The following PTPA variants were observed in gnomAD, a reference collection of about 807,000 sequenced individuals.
PTPA encodes protein phosphatase 2 phosphatase activator.
In PTPA, 13 loss-of-function variants were observed where a neutral mutation model predicts 43.6. That is an observed-to-expected ratio of 0.30 (90% CI 0.19 to 0.47). The LOEUF (loss-of-function observed/expected upper bound fraction) is 0.47. Among genes scored for constraint, PTPA ranks in the 20% least tolerant of loss-of-function variants. The pLI is 0.99. For synonymous variants in PTPA, 172 were observed against 158.2 expected (o/e 1.09, Z -0.66); for missense variants, 329 against 411.9 (o/e 0.80, Z 1.74).
chr9:129,133,460 C>T (rs1202776394), intron 5 of PTPA, among the ~76,000 whole-genome samples: 9 of 152,230 alleles, frequency 5.9e-5, no homozygotes, highest in Admixed American at 5.9e-4. Context: ...ACTGAGCTCA[C>T]AAGCTTCCAG....
chr9:129,144,664 G>A (rs928130723), intron 9 of PTPA, among the ~76,000 whole-genome samples: 3 of 150,962 alleles, frequency 2.0e-5, no homozygotes, highest in African/African-American at 4.9e-5. Flanking sequence ...GCGTGAGTCC[G>A]GGCGGTGGAG....
intron 1 of PTPA, among the ~76,000 whole-genome samples, chr9:129,113,642 C>T (rs1418792150): frequency 2.2e-5 from 3 of 135,072 alleles, no homozygotes; most frequent in African/African-American, 1.2e-4. Context: ...TGGTGGCACA[C>T]GTCTGTAATC....
At position 129,114,223 on chromosome 9, in the gene PTPA, G is replaced by C. The variant is rs192090931; in HGVS notation, c.31+2592G>C. On this transcript the variant is annotated intron_variant, in intron 1 of 9. Coordinates refer to ENST00000393370, the MANE Select transcript of PTPA (RefSeq NM_178000.3). Reference sequence around the variant, plus strand: ...TTTTTAGTAGAGATGGGATTTCGCCGTGTGGGCCAGGCTGGTCTCGAACTC... The same window carrying C: ...TTTTTAGTAGAGATGGGATTTCGCCCTGTGGGCCAGGCTGGTCTCGAACTC... Among the ~76,000 whole-genome samples the C allele has an allele frequency of 9.5e-4, 144 of 152,196 alleles. 1 individual carries two copies. The highest frequency in any genetic ancestry group is 3.2e-3 in the African/African-American group (135 of 41,540).
At chr9:129,119,759 G>A (rs1420832176) in intron 1 of PTPA, 1 of 152,112 alleles carries the variant, frequency 6.6e-6, no homozygotes, top group Non-Finnish European at 1.5e-5. Context: ...CATCAACTTG[G>A]TTTTATTTTT....
At chr9:129,116,384 CTTTT>C (rs142067473) in intron 1 of PTPA, among the ~76,000 whole-genome samples, 1 of 107,706 alleles carries the variant, frequency 9.3e-6, no homozygotes. Flanking sequence ...GACAGGGTTT[CTTTT>C]TTTTTTTTTT....
At chr9:129,111,292 C>G (rs1370366355), upstream of PTPA, 4 of 1,133,934 alleles carry the variant, frequency 3.5e-6, no homozygotes, top group Non-Finnish European at 3.2e-6. Context: ...GTGAGCGGTC[C>G]TAGCGCTTGG....
intron 9 of PTPA, among the ~76,000 whole-genome samples, chr9:129,146,058 C>T (rs1851278353): frequency 7.0e-6 from 1 of 143,102 alleles, no homozygotes; most frequent in Non-Finnish European, 1.5e-5. Flanking sequence ...TCTATGGGAG[C>T]TAGAGGGAGG....
At position 129,120,576 on chromosome 9, in the gene PTPA, C is replaced by G. The variant is rs147961453; in HGVS notation, c.95C>G (p.Thr32Arg). The G allele has an allele frequency of 6.2e-7, 1 of 1,613,622 alleles. No individual in the cohort carries two copies. Among genetic ancestry groups the G allele is most frequent in the African/African-American group, 1.3e-5 (1 of 74,908 alleles). Residue 32 changes from threonine to arginine, a missense_variant, in exon 2 of 10, where the codon ACA becomes AGA. Physicochemically the swap from Thr to Arg is moderately conservative, Grantham distance 71. Coordinates refer to ENST00000393370, the MANE Select transcript of PTPA (RefSeq NM_178000.3). ...NFIIPKKEIH[T>R]VPDMGKWKRS... ...ATCATTCCAAAAAAGGAGATCCACA[C>G]AGTTCCAGACATGGGCAAATGGAAG... is the stretch of plus-strand genomic sequence containing the variant.
At chr9:129,119,577 T>G (rs553393750) in intron 1 of PTPA, 11 of 152,174 alleles carry the variant, frequency 7.2e-5, no homozygotes, top group African/African-American at 2.4e-4. Flanking sequence ...GGCTAATTTT[T>G]TTGTACTTTT....
intron 7 of PTPA, among the ~76,000 whole-genome samples, chr9:129,137,018 C>T (rs1453547096): frequency 1.3e-5 from 2 of 152,204 alleles, no homozygotes; most frequent in Non-Finnish European, 2.9e-5. Flanking sequence ...TAGGGAGCAG[C>T]CGCCAAGTGC....
intron 1 of PTPA, 32 bp downstream of exon 1, chr9:129,111,663 TCGGGTAGGGTGGGGG>T (rs1225392185): frequency 6.4e-6 from 8 of 1,252,832 alleles, no homozygotes; most frequent in Non-Finnish European, 8.1e-6. Context: ...CGGGCCGGGG[TCGGGTAGGGTGGGGG>T]CGGTGCCAGG....
At position 129,148,328 on chromosome 9, in the gene PTPA, C is replaced by T. The variant is rs527266127; in HGVS notation, c.*864C>T. On this transcript the variant is annotated 3_prime_UTR_variant, in exon 10 of 10. Transcript: ENST00000393370. ...GGGAGGGGCTTGGGGCCCATTGTAT[C>T]TGGAGAGCCTGGATTCCTCTTGGCA... is the stretch of plus-strand genomic sequence containing the variant. 6.5e-6 allele frequency: 1 copy of T among 152,828 alleles called. No individual in the cohort carries two copies. The highest frequency in any genetic ancestry group is 2.4e-5 in the African/African-American group (1 of 41,586). The allele number at this position is 152,828 out of a possible 1,614,324, so 9.5% of individuals were successfully genotyped here.
intron 1 of PTPA, 110 bp from the exon 2 acceptor site, chr9:129,120,403 A>G: frequency 1.3e-6 from 1 of 793,014 alleles, no homozygotes; most frequent in Non-Finnish European, 1.9e-6. Flanking sequence ...CAGCCTGGGC[A>G]ACAAGAGCAA....
chr9:129,111,294 A>G (rs570059223), upstream of PTPA: 14 of 1,127,024 alleles, frequency 1.2e-5, no homozygotes, highest in South Asian at 2.7e-4. Context: ...GAGCGGTCCT[A>G]GCGCTTGGCG....
At chr9:129,131,955 T>C (rs149796218) in intron 5 of PTPA, among the ~76,000 whole-genome samples, 99 of 152,282 alleles carry the variant, frequency 6.5e-4, no homozygotes, top group African/African-American at 2.0e-3. Flanking sequence ...AAAATAATTA[T>C]TAATTGAGCA....
intron 8 of PTPA, chr9:129,142,233 A>G (rs1850912431): frequency 2.2e-6 from 1 of 458,442 alleles, no homozygotes; most frequent in Non-Finnish European, 3.8e-6. Context: ...CCAAAGGGGA[A>G]CCTTGTCTCT....
At chr9:129,142,923 C>T (rs1371273827) in intron 9 of PTPA, 2 of 1,462,062 alleles carry the variant, frequency 1.4e-6, no homozygotes, top group African/African-American at 2.8e-5. Context: ...CATGGCATAC[C>T]TGGGAAGGGT....
At chr9:129,135,083 A>G (rs1474728257) in intron 6 of PTPA, among the ~76,000 whole-genome samples, 189 bp downstream of exon 6, 1 of 152,186 alleles carries the variant, frequency 6.6e-6, no homozygotes, top group African/African-American at 2.4e-5. Flanking sequence ...TTAACCTCCA[A>G]GTAAAAGCAA....
At chr9:129,120,400 G>A (rs1849170819) in intron 1 of PTPA, 113 bp from the exon 2 acceptor site, 1 of 761,298 alleles carries the variant, frequency 1.3e-6, no homozygotes, top group Non-Finnish European at 2.0e-6. Flanking sequence ...CTCCAGCCTG[G>A]GCAACAAGAG....
Sources: gnomAD v4.1 joint callset for allele counts (sites outside exome capture counted in the v4.1 genomes callset) on GRCh38, gnomAD v4.1.1 for gene constraint, MANE v1.5 for transcripts, NCBI Gene and HGNC (gene_info 2026-07-23, HGNC 2026-07-21) for gene names.